Variants in SEZ6L observed in about 807,000 individuals in gnomAD.
SEZ6L encodes seizure related 6 homolog like, also known as seizure 6-like protein.
A neutral mutation model predicts 106.2 loss-of-function variants in SEZ6L; 37 were observed. The ratio of observed to expected loss-of-function variants is 0.35; its 90% CI spans 0.27 to 0.46. The LOEUF (loss-of-function observed/expected upper bound fraction) is 0.46. SEZ6L is among the 20% of genes least tolerant of loss of function. The pLI, the probability that SEZ6L is intolerant of heterozygous loss-of-function variation, is 1.00. For synonymous variants in SEZ6L, 541 were observed against 570.4 expected (o/e 0.95, Z 0.73); for missense variants, 1,172 against 1,332.8 (o/e 0.88, Z 1.88).
chr22:26,315,959 G>A (rs758627551), intron 9 of SEZ6L, among the ~76,000 whole-genome samples: 4 of 151,832 alleles, frequency 2.6e-5, no homozygotes, highest in Admixed American at 1.3e-4. Context: ...GGAGGCTCAG[G>A]TGGGACAATT....
chr22:26,319,777 T>C (rs183893112), intron 9 of SEZ6L, among the ~76,000 whole-genome samples: 245 of 152,338 alleles, frequency 1.6e-3, no homozygotes, highest in African/African-American at 5.8e-3. Flanking sequence ...TTTTTTGTCT[T>C]ATTCACTGCC....
intron 9 of SEZ6L, among the ~76,000 whole-genome samples, chr22:26,332,756 T>C (rs1428782672): frequency 6.6e-6 from 1 of 152,230 alleles, no homozygotes; most frequent in Non-Finnish European, 1.5e-5. Context: ...CTGTTCTGAA[T>C]ATTTAATTTG....
At chr22:26,370,743 C>G (rs1254016636) in intron 13 of SEZ6L, among the ~76,000 whole-genome samples, 2 of 151,866 alleles carry the variant, frequency 1.3e-5, no homozygotes, top group Non-Finnish European at 2.9e-5. Flanking sequence ...GTGGCTTACA[C>G]CTGTAATCCC....
At chr22:26,266,620 G>A (rs2080200927) in intron 1 of SEZ6L, among the ~76,000 whole-genome samples, 1 of 148,246 alleles carries the variant, frequency 6.7e-6, no homozygotes, top group East Asian at 2.0e-4. Context: ...TAAATAAATA[G>A]CAACATATTA....
intron 1 of SEZ6L, among the ~76,000 whole-genome samples, chr22:26,283,705 A>T (rs1038224778): frequency 2.6e-5 from 4 of 152,198 alleles, no homozygotes; most frequent in Non-Finnish European, 4.4e-5. Context: ...GCATACAATA[A>T]ATAATAGCAG....
chr22:26,196,843 G>A lies in SEZ6L; in HGVS notation c.94+27080G>A, dbSNP rs557352712. On this transcript the variant is annotated intron_variant, in intron 1 of 16. Transcript: ENST00000248933. ...GGGAAATGGGAGAAAATAGATTCAAGGACGTCTCCCAGGTTACTGCTTGAG... is the reference window on the plus strand; with the variant it reads ...GGGAAATGGGAGAAAATAGATTCAAAGACGTCTCCCAGGTTACTGCTTGAG... 2.1e-4 allele frequency among the ~76,000 whole-genome samples: 32 copies of A among 152,274 alleles called. No individual in the cohort carries two copies. The South Asian group carries it at 5.4e-3, about 26-fold the overall frequency.
At chr22:26,176,159 C>T (rs1938986473) in intron 1 of SEZ6L, among the ~76,000 whole-genome samples, 1 of 152,246 alleles carries the variant, frequency 6.6e-6, no homozygotes, top group Admixed American at 6.5e-5. Flanking sequence ...CTAGATTTTA[C>T]AGATAAGGCA....
intron 9 of SEZ6L, among the ~76,000 whole-genome samples, chr22:26,324,208 C>T (rs2082242728): frequency 1.3e-5 from 2 of 152,098 alleles, no homozygotes; most frequent in Admixed American, 6.6e-5. Context: ...TCCTGCTCCC[C>T]GTTTCCTGGA....
chr22:26,372,274 G>T (rs961295309), intron 13 of SEZ6L, among the ~76,000 whole-genome samples: 4 of 152,162 alleles, frequency 2.6e-5, no homozygotes, highest in African/African-American at 9.7e-5. Context: ...GCCCTGTGGG[G>T]TTCATGAGCA....
chr22:26,175,040 G>T lies in SEZ6L; in HGVS notation c.94+5277G>T, dbSNP rs185962776. 7.2e-5 allele frequency among the ~76,000 whole-genome samples: 11 copies of T among 152,250 alleles called. No homozygotes were observed. In the East Asian group the frequency reaches 2.1e-3, roughly 29 times the overall value. ...TGAAGTCCAGCCTCAGATCCAGGCT[G>T]GTGTCAGAATCATGACATCAAGTCC... On this transcript the variant is annotated intron_variant, in intron 1 of 16. Coordinates refer to ENST00000248933, the MANE Select transcript of SEZ6L (RefSeq NM_021115.5).
intron 1 of SEZ6L, among the ~76,000 whole-genome samples, chr22:26,227,660 CCT>C (rs2078674404): frequency 6.7e-6 from 1 of 148,358 alleles, no homozygotes. Context: ...TTGAAGTGAT[CCT>C]CTCACCTCGG....
intron 5 of SEZ6L, 96 bp from the exon 6 acceptor site, chr22:26,305,883 C>A: frequency 1.8e-6 from 2 of 1,125,860 alleles, no homozygotes; most frequent in Admixed American, 2.0e-5. Flanking sequence ...GAAACACTCA[C>A]TTCCTTCTCT....
intron 1 of SEZ6L, among the ~76,000 whole-genome samples, chr22:26,238,985 G>T (rs1276471982): frequency 6.6e-6 from 1 of 152,216 alleles, no homozygotes; most frequent in Non-Finnish European, 1.5e-5. Context: ...CACTTTGGGA[G>T]GCCAAGGTAA....
At chr22:26,197,172 T>G (rs527662155) in intron 1 of SEZ6L, among the ~76,000 whole-genome samples, 2 of 152,334 alleles carry the variant, frequency 1.3e-5, no homozygotes, top group East Asian at 3.9e-4. Flanking sequence ...TTCTTGTTAT[T>G]TATTTCTTTT....
chr22:26,209,943 GCAAGAAGGAAGTAAAA>G (rs2078105690), intron 1 of SEZ6L, among the ~76,000 whole-genome samples: 1 of 109,220 alleles, frequency 9.2e-6, no homozygotes, highest in Non-Finnish European at 1.9e-5. Context: ...TGAATGGATG[GCAAGAAGGAAGTAAAA>G]AGGGAGAGAG....
chr22:26,285,954 C>T (rs191980120), intron 1 of SEZ6L, among the ~76,000 whole-genome samples: 18 of 152,272 alleles, frequency 1.2e-4, no homozygotes, highest in Admixed American at 1.1e-3. Flanking sequence ...TCTCCAGGAG[C>T]CTTTTGATCT....
chr22:26,350,813 G>T (rs1453189756), intron 11 of SEZ6L, among the ~76,000 whole-genome samples: 2 of 151,780 alleles, frequency 1.3e-5, no homozygotes, highest in Admixed American at 6.6e-5. Context: ...CCCACCACCA[G>T]GCCAGGCTAA....
chr22:26,244,978 A>T (rs2079282082), intron 1 of SEZ6L, among the ~76,000 whole-genome samples: 2 of 152,114 alleles, frequency 1.3e-5, no homozygotes, highest in South Asian at 2.1e-4. Context: ...AAATGACATG[A>T]TCTGAACTGG....
chr22:26,262,873 G>A (rs2080060881), intron 1 of SEZ6L, among the ~76,000 whole-genome samples: 1 of 152,176 alleles, frequency 6.6e-6, no homozygotes, highest in South Asian at 2.1e-4. Flanking sequence ...TGACGAAATG[G>A]TTTGAGCACA....
Sources: allele counts gnomAD v4.1 joint callset (sites outside exome capture counted in the v4.1 genomes callset), GRCh38; gene constraint gnomAD v4.1.1; transcripts MANE v1.5; gene names NCBI Gene and HGNC (gene_info 2026-07-23, HGNC 2026-07-21).